The following C1orf159 variants were observed in gnomAD, a reference collection of about 807,000 sequenced individuals.
The protein encoded by C1orf159 is chromosome 1 open reading frame 159.
Under a neutral mutation model 25.6 loss-of-function variants are expected in C1orf159, and 19 were observed. The ratio of observed to expected loss-of-function variants is 0.74; its 90% CI spans 0.52 to 1.09. The LOEUF (loss-of-function observed/expected upper bound fraction) is 1.09. Among genes scored for constraint, C1orf159 ranks in the 50% least tolerant of loss-of-function variants. The probability of loss-of-function intolerance (pLI) is 0.00; values close to 1 mark genes in which losing one functional copy is unlikely to be tolerated. For missense variants in C1orf159, 274 were observed against 290.6 expected, an observed-to-expected ratio of 0.94 and a Z score of 0.42; for synonymous variants, 139 against 124.7, an observed-to-expected ratio of 1.12 and a Z score of -0.77.
intron 1 of C1orf159, among the ~76,000 whole-genome samples, chr1:1,107,982 T>A (rs935284538): frequency 6.6e-6 from 1 of 152,174 alleles, no homozygotes; most frequent in African/African-American, 2.4e-5. Context: ...TAACACTCAC[T>A]GCGAGGGTCT....
intron 1 of C1orf159, among the ~76,000 whole-genome samples, chr1:1,114,338 T>C (rs1646304432): frequency 6.6e-6 from 1 of 152,176 alleles, no homozygotes; most frequent in Non-Finnish European, 1.5e-5. Flanking sequence ...CCCCCATGCC[T>C]GGATAATATT....
chr1:1,109,799 A>G (rs1033651061), intron 1 of C1orf159, among the ~76,000 whole-genome samples: 3 of 152,108 alleles, frequency 2.0e-5, no homozygotes, highest in Non-Finnish European at 2.9e-5. Flanking sequence ...TCACATTTAC[A>G]TGTAAGACAA....
chr1:1,111,285 T>G (rs1473929048), intron 1 of C1orf159, among the ~76,000 whole-genome samples: 1 of 151,100 alleles, frequency 6.6e-6, no homozygotes, highest in Non-Finnish European at 1.5e-5. Context: ...CCCATCATTT[T>G]GGGAGGCCAA....
At chr1:1,100,398 GT>G (rs1646083748) in intron 1 of C1orf159, among the ~76,000 whole-genome samples, 1 of 152,112 alleles carries the variant, frequency 6.6e-6, no homozygotes, top group South Asian at 2.1e-4. Flanking sequence ...AAATTGAGCA[GT>G]TAAGTACAAG....
Position 1,090,372 on chromosome 1 carries a change from G to C in C1orf159, c.129C>G (p.Gly43=). 1.9e-6 allele frequency: 3 copies of C among 1,550,532 alleles called. No individual in the cohort carries two copies. The highest frequency in any genetic ancestry group is 2.6e-6 in the Non-Finnish European group (3 of 1,146,956). Residue 43 remains glycine, a synonymous_variant, in exon 4 of 10, where the codon GGC becomes GGG. Transcript: ENST00000421241. ...GCTTACCTGGACCACACAGACTTGCGCCTGGGCAGCTGGCGTTGACGCCCA... is the reference window on the plus strand; with the variant it reads ...GCTTACCTGGACCACACAGACTTGCCCCTGGGCAGCTGGCGTTGACGCCCA... ...DVVGVNASCP[G]ASLCGPGCYR...
chr1:1,093,069 GCTC>G (rs1487502642), intron 1 of C1orf159, among the ~76,000 whole-genome samples: 6 of 151,774 alleles, frequency 4.0e-5, no homozygotes, highest in African/African-American at 1.5e-4. Flanking sequence ...CTCTGATTCA[GCTC>G]CTCCTCTCTG....
In C1orf159 at chr1:1,087,408, C is replaced by G; in HGVS notation, c.244+94G>C. ...GGCTGTTCCCCAGTGGACAGTGGCT[C>G]TGGGGCAAGGTGGGGACACAGACAG... On this transcript the variant is annotated intron_variant, in intron 5 of 9. Transcript: ENST00000421241. This position sits in a 1 kb window ranked among gnomAD's most constrained non-coding sequence, Gnocchi z 8.3. The G allele has an allele frequency of 1.5e-6, 2 of 1,309,024 alleles. No individual in the cohort carries two copies. Among genetic ancestry groups the G allele is most frequent in the Non-Finnish European group, 2.1e-6 (2 of 954,556 alleles). The allele number at this position is 1,309,024 out of a possible 1,614,324, so 81.1% of individuals were successfully genotyped here.
chr1:1,112,575 A>G (rs1646276839), intron 1 of C1orf159, among the ~76,000 whole-genome samples: 1 of 151,378 alleles, frequency 6.6e-6, no homozygotes, highest in Admixed American at 6.6e-5. Context: ...CACACAGCGC[A>G]TGCTCCCTCC....
chr1:1,099,255 G>A (rs1225089456), intron 1 of C1orf159, among the ~76,000 whole-genome samples: 2 of 143,606 alleles, frequency 1.4e-5, no homozygotes, highest in Non-Finnish European at 3.0e-5. Context: ...GAGAGAGAGA[G>A]GTTAAAATCT....
rs985303506 is a variant in C1orf159 at position 1,104,747 on chromosome 1, A to G, written c.-136+11313T>C. On this transcript the variant is annotated intron_variant, in intron 1 of 9. Coordinates refer to ENST00000421241, the MANE Select transcript of C1orf159 (RefSeq NM_017891.5). Reference sequence around the variant, plus strand: ...GAGTTCGAAGCCGAAGTGCAGACGCATTCAAGCTGGTCGAGCCGGGAACGC... The same window carrying G: ...GAGTTCGAAGCCGAAGTGCAGACGCGTTCAAGCTGGTCGAGCCGGGAACGC... Among the ~76,000 whole-genome samples the G allele has an allele frequency of 7.9e-5, 12 of 151,938 alleles. No homozygotes were observed. In the East Asian group the frequency reaches 1.7e-3, roughly 22 times the overall value.
intron 1 of C1orf159, among the ~76,000 whole-genome samples, chr1:1,101,611 T>G (rs1223348408): frequency 6.6e-6 from 1 of 152,090 alleles, no homozygotes; most frequent in Non-Finnish European, 1.5e-5. Context: ...CTCAGTCTAT[T>G]GGCTCAGGGT....
rs72910126 is a variant in C1orf159 at position 1,090,188 on chromosome 1, T to G, written c.148+165A>C. On this transcript the variant is annotated intron_variant, in intron 4 of 9. Coordinates refer to ENST00000421241, the MANE Select transcript of C1orf159 (RefSeq NM_017891.5). ...CAAGGCCGCCCGCCAGAAAGGAGGC[T>G]CAGATGTCCTTCCCCAAGCTCCACA... Among the ~76,000 whole-genome samples the G allele has an allele frequency of 4.3e-3, 648 of 152,272 alleles. 4 individuals carry two copies. Among genetic ancestry groups the G allele is most frequent in the African/African-American group, 0.015 (621 of 41,562 alleles).
In C1orf159 at chr1:1,091,493, G is replaced by A; in HGVS notation, c.51C>T (p.Ala17=). The change falls in exon 3 of 10, where the codon GCC becomes GCT. Residue 17 remains alanine, a synonymous_variant. Coordinates refer to ENST00000421241, the MANE Select transcript of C1orf159 (RefSeq NM_017891.5). ...CTACCGTGTTCTCCATGGACTTGCT[G>A]GCGACTCCCACGAGAAGGCCAGCCA... ...ALLAGLLVGV[A]SKSMENTAQL... 10 of 1,550,352 alleles carry A rather than the reference G, an allele frequency of 6.5e-6. No homozygotes were observed. Among genetic ancestry groups the A allele is most frequent in the Middle Eastern group, 1.7e-4 (1 of 5,928 alleles).
At chr1:1,107,947 CCGGACA>C (rs1646197970) in intron 1 of C1orf159, among the ~76,000 whole-genome samples, 1 of 152,226 alleles carries the variant, frequency 6.6e-6, no homozygotes, top group Non-Finnish European at 1.5e-5. Flanking sequence ...GGAACAAACT[CCGGACA>C]CACCATCTTT....
rs777819748 is a variant in C1orf159, at chr1:1,087,599, T to G, written c.149-2A>C. 4.5e-6 allele frequency: 7 copies of G among 1,543,176 alleles called. No homozygotes were observed. The Admixed American group carries it at 9.9e-5, about 22-fold the overall frequency. On this transcript the variant is annotated splice_acceptor_variant, in intron 4 of 9. Coordinates refer to ENST00000421241, the MANE Select transcript of C1orf159 (RefSeq NM_017891.5). LOFTEE classifies it high-confidence loss of function. The surrounding 1 kb of genome is among the most constrained non-coding windows in gnomAD (Gnocchi z 8.3). ...CCGCGTTCCAGCGCCTGTAACAGCCTGCGTGGGGCAGAGGACGGGCATGTC... is the reference window on the plus strand; with the variant it reads ...CCGCGTTCCAGCGCCTGTAACAGCCGGCGTGGGGCAGAGGACGGGCATGTC...
At chr1:1,105,511 A>T (rs773753005) in intron 1 of C1orf159, among the ~76,000 whole-genome samples, 80 of 152,144 alleles carry the variant, frequency 5.3e-4, no homozygotes, top group Non-Finnish European at 1.0e-3. Flanking sequence ...ATCTCAAAAA[A>T]AAATAAATAA....
chr1:1,084,243 T>C (rs1260919777), intron 9 of C1orf159, 110 bp downstream of exon 9: 4 of 1,518,812 alleles, frequency 2.6e-6, no homozygotes, highest in Non-Finnish European at 3.5e-6. Flanking sequence ...CGGGCAGGGG[T>C]GGCCGAGATC....
chr1:1,112,600 C>T (rs762935680), intron 1 of C1orf159, among the ~76,000 whole-genome samples: 3 of 151,590 alleles, frequency 2.0e-5, no homozygotes, highest in Non-Finnish European at 2.9e-5. Context: ...AGTGAATACA[C>T]GGGGCATGCT....
intron 9 of C1orf159, chr1:1,083,846 G>A (rs961105885): frequency 4.3e-6 from 6 of 1,393,654 alleles, no homozygotes; most frequent in Non-Finnish European, 5.9e-6. Context: ...TCATGGCCTT[G>A]GAGCTGTGTG....
Sources: allele counts gnomAD v4.1 joint callset (sites outside exome capture counted in the v4.1 genomes callset), GRCh38; gene constraint gnomAD v4.1.1; non-coding constraint Gnocchi (gnomAD v3.1); transcripts MANE v1.5; gene names NCBI Gene and HGNC (gene_info 2026-07-23, HGNC 2026-07-21).